SNTG1: variants seen among roughly 807,000 people sequenced by gnomAD.
SNTG1 encodes the protein syntrophin gamma 1.
A neutral mutation model predicts 74.7 loss-of-function variants in SNTG1; 39 were observed. The ratio of observed to expected loss-of-function variants is 0.52; its 90% CI spans 0.40 to 0.68. The LOEUF (loss-of-function observed/expected upper bound fraction) is 0.68. Among genes scored for constraint, SNTG1 ranks in the 30% least tolerant of loss-of-function variants. The probability of loss-of-function intolerance (pLI) is 0.00; values close to 1 mark genes in which losing one functional copy is unlikely to be tolerated. For synonymous variants in SNTG1, 254 were observed against 217.1 expected, an observed-to-expected ratio of 1.17 and a Z score of -1.49; for missense variants, 685 against 609.5, an observed-to-expected ratio of 1.12 and a Z score of -1.30.
At position 50,704,629 on chromosome 8, in the gene SNTG1, G is replaced by C. The variant is rs758129521; in HGVS notation, c.1068G>C (p.Gln356His). ...KDSDLLDRRK[Q>H]CFTVQSESGE... The stretch of plus-strand genomic sequence containing the variant: ...GTGACCTGCTGGACCGACGGAAACA[G>C]TGCTTCACCGTGCAGTCTGAGTCTG... Residue 356 changes from glutamine (Q) to histidine (H), a missense_variant, in exon 16 of 19, where the codon CAG becomes CAC. By Grantham distance (24) the Gln-to-His change is conservative (BLOSUM62 0). Coordinates refer to ENST00000642720, the MANE Select transcript of SNTG1 (RefSeq NM_018967.5). The C allele has an allele frequency of 6.2e-7, 1 of 1,614,162 alleles. No homozygotes were observed. Among genetic ancestry groups the C allele is most frequent in the South Asian group, 1.1e-5 (1 of 91,084 alleles).
intron 2 of SNTG1, among the ~76,000 whole-genome samples, chr8:50,360,133 A>T (rs1178056156): frequency 6.6e-6 from 1 of 152,112 alleles, no homozygotes; most frequent in East Asian, 1.9e-4. Flanking sequence ...ACGAGATCAG[A>T]TAGATCATCA....
chr8:50,059,345 A>G (rs1820286541), intron 1 of SNTG1, among the ~76,000 whole-genome samples: 1 of 152,172 alleles, frequency 6.6e-6, no homozygotes, highest in Admixed American at 6.6e-5. Context: ...TTATTGAGCT[A>G]TAATTCACAC....
chr8:49,959,907 G>A (rs999708810), intron 1 of SNTG1, among the ~76,000 whole-genome samples: 1 of 152,190 alleles, frequency 6.6e-6, no homozygotes, highest in African/African-American at 2.4e-5. Flanking sequence ...TAAAATGGAT[G>A]AGGATTTCTA....
At chr8:50,311,443 G>A (rs1382292193) in intron 2 of SNTG1, among the ~76,000 whole-genome samples, 2 of 152,178 alleles carry the variant, frequency 1.3e-5, no homozygotes, top group Admixed American at 6.5e-5. Flanking sequence ...TTTATGTATG[G>A]CTTTTGACAG....
chr8:50,152,697 T>A (rs2082110979), intron 1 of SNTG1, among the ~76,000 whole-genome samples: 1 of 152,212 alleles, frequency 6.6e-6, no homozygotes, highest in African/African-American at 2.4e-5. Flanking sequence ...AAATTCTGGG[T>A]TGAAAATTAT....
intron 2 of SNTG1, among the ~76,000 whole-genome samples, chr8:50,369,001 T>C (rs2092199004): frequency 6.6e-6 from 1 of 152,142 alleles, no homozygotes; most frequent in Admixed American, 6.5e-5. Flanking sequence ...ATTCATATCT[T>C]AGTTAGATGA....
intron 1 of SNTG1, among the ~76,000 whole-genome samples, chr8:50,156,492 T>C (rs2082258662): frequency 6.6e-6 from 1 of 152,054 alleles, no homozygotes; most frequent in Non-Finnish European, 1.5e-5. Flanking sequence ...AAAATCAATA[T>C]ATGCACTGAT....
chr8:50,159,139 T>G (rs1184490620), intron 1 of SNTG1, among the ~76,000 whole-genome samples: 1 of 152,196 alleles, frequency 6.6e-6, no homozygotes. Flanking sequence ...GCTCCATGTT[T>G]ATATTGGATT....
At chr8:50,667,133 T>C (rs528953337) in intron 15 of SNTG1, among the ~76,000 whole-genome samples, 1 of 152,068 alleles carries the variant, frequency 6.6e-6, no homozygotes, top group African/African-American at 2.4e-5. Context: ...TAATACATGA[T>C]ATAAGAGTAT....
chr8:50,414,633 A>C (rs1277953176), intron 4 of SNTG1, among the ~76,000 whole-genome samples: 1 of 151,580 alleles, frequency 6.6e-6, no homozygotes, highest in Non-Finnish European at 1.5e-5. Flanking sequence ...CACGTTTGAC[A>C]TTATTTTTAT....
At chr8:50,144,516 C>T (rs989067758) in intron 1 of SNTG1, among the ~76,000 whole-genome samples, 1 of 152,160 alleles carries the variant, frequency 6.6e-6, no homozygotes, top group Non-Finnish European at 1.5e-5. Flanking sequence ...GGACCTAGTC[C>T]TTTAAGGTGC....
chr8:50,556,061 T>G (rs2094453879), intron 12 of SNTG1, among the ~76,000 whole-genome samples: 2 of 152,192 alleles, frequency 1.3e-5, no homozygotes, highest in African/African-American at 4.8e-5. Context: ...GTTGCTATAA[T>G]TTTTCTTCCA....
In SNTG1 at chr8:50,527,871, AT is replaced by A. The variant is rs1162566128; in HGVS notation, c.467-2304del. Among the ~76,000 whole-genome samples the A allele has an allele frequency of 2.0e-5, 3 of 151,962 alleles. No individual in the cohort carries two copies. In the East Asian group the frequency reaches 5.8e-4, roughly 29 times the overall value. On this transcript the variant is annotated intron_variant, in intron 9 of 18. Transcript: ENST00000642720. ...AATATATTAGTCTTTTTAATTTGGA[AT>A]TATTGCATATCTTTCATTAAATTTA...
chr8:50,166,943 T>TA (rs2082634958), intron 1 of SNTG1, among the ~76,000 whole-genome samples: 1 of 148,598 alleles, frequency 6.7e-6, no homozygotes, highest in Non-Finnish European at 1.5e-5. Flanking sequence ...TATGCAGCCA[T>TA]AAAAAATGAT....
intron 1 of SNTG1, among the ~76,000 whole-genome samples, chr8:49,962,982 C>T (rs776361870): frequency 8.5e-5 from 13 of 152,128 alleles, no homozygotes; most frequent in Non-Finnish European, 1.8e-4. Flanking sequence ...CAGGGATCCA[C>T]GACTCCTGAG....
At chr8:49,998,625 C>G (rs1224233084) in intron 1 of SNTG1, among the ~76,000 whole-genome samples, 3 of 148,988 alleles carry the variant, frequency 2.0e-5, no homozygotes, top group East Asian at 1.9e-4. Context: ...CACACACACA[C>G]AGTATCCTAG....
At chr8:50,517,789 C>A (rs956044093) in intron 9 of SNTG1, among the ~76,000 whole-genome samples, 5 of 152,048 alleles carry the variant, frequency 3.3e-5, no homozygotes, top group African/African-American at 1.2e-4. Flanking sequence ...AATATAGGAG[C>A]ATGCTGATTC....
At chr8:50,538,818 T>C (rs1352281548) in intron 11 of SNTG1, among the ~76,000 whole-genome samples, 1 of 152,122 alleles carries the variant, frequency 6.6e-6, no homozygotes, top group Non-Finnish European at 1.5e-5. Flanking sequence ...TTGATGCAAA[T>C]ATTAACCCTT....
chr8:50,530,748 T>A (rs987836700), intron 10 of SNTG1, among the ~76,000 whole-genome samples: 4 of 152,242 alleles, frequency 2.6e-5, no homozygotes, highest in Admixed American at 2.6e-4. Flanking sequence ...ACTATACATG[T>A]ATTTAGTAGA....
Sources: gnomAD v4.1 joint callset for allele counts (sites outside exome capture counted in the v4.1 genomes callset) on GRCh38, gnomAD v4.1.1 for gene constraint, MANE v1.5 for transcripts, NCBI Gene and HGNC (gene_info 2026-07-23, HGNC 2026-07-21) for gene names.